HS6ST3: variants seen among roughly 807,000 people sequenced by gnomAD.
HS6ST3 encodes heparan-sulfate 6-O-sulfotransferase 3.
HS6ST3 carries 12 observed loss-of-function variants against 36.7 expected under a neutral mutation model. The observed-to-expected ratio is 0.33, with a 90% confidence interval of 0.21 to 0.53. The LOEUF (loss-of-function observed/expected upper bound fraction) is 0.53. Among genes scored for constraint, HS6ST3 ranks in the 20% least tolerant of loss-of-function variants. The pLI, the probability that HS6ST3 is intolerant of heterozygous loss-of-function variation, is 0.95. For missense variants in HS6ST3, 584 were observed against 640.9 expected (o/e 0.91, Z 0.96); for synonymous variants, 240 against 257.5 (o/e 0.93, Z 0.65).
chr13:96,788,644 G>T (rs980675932), intron 1 of HS6ST3, among the ~76,000 whole-genome samples: 1 of 151,888 alleles, frequency 6.6e-6, no homozygotes, highest in Non-Finnish European at 1.5e-5. Context: ...ATATTGAATT[G>T]TGACTTGCCT....
intron 1 of HS6ST3, among the ~76,000 whole-genome samples, chr13:96,719,882 T>TC (rs1196812221): frequency 4.6e-5 from 7 of 152,216 alleles, no homozygotes; most frequent in Non-Finnish European, 1.0e-4. Flanking sequence ...TGTGTTCATT[T>TC]CTTCCTGTCT....
intron 1 of HS6ST3, among the ~76,000 whole-genome samples, chr13:96,476,914 T>A (rs1347582361): frequency 6.6e-6 from 1 of 152,152 alleles, no homozygotes. Flanking sequence ...TTTACACAGA[T>A]GAAGAGTTGA....
intron 1 of HS6ST3, among the ~76,000 whole-genome samples, chr13:96,227,244 A>G (rs966675252): frequency 3.9e-5 from 6 of 152,342 alleles, no homozygotes; most frequent in South Asian, 4.1e-4. Flanking sequence ...CTCTAAAAAT[A>G]GATACTTAAC....
At chr13:96,111,024 A>C (rs1172991251) in intron 1 of HS6ST3, among the ~76,000 whole-genome samples, 2 of 152,178 alleles carry the variant, frequency 1.3e-5, no homozygotes, top group Admixed American at 6.5e-5. Context: ...GATATACCAT[A>C]GGTGATTTAT....
chr13:96,283,338 G>C (rs779703715), intron 1 of HS6ST3, among the ~76,000 whole-genome samples: 1 of 152,158 alleles, frequency 6.6e-6, no homozygotes, highest in Non-Finnish European at 1.5e-5. Flanking sequence ...CCCAGCAAAA[G>C]CTGTTATTTA....
At chr13:96,338,170 A>C (rs367680460) in intron 1 of HS6ST3, among the ~76,000 whole-genome samples, 1 of 151,886 alleles carries the variant, frequency 6.6e-6, no homozygotes, top group African/African-American at 2.4e-5. Context: ...CTTTTCTCCA[A>C]TGTTTGGTGG....
intron 1 of HS6ST3, among the ~76,000 whole-genome samples, chr13:96,576,881 T>C (rs1168268173): frequency 5.7e-5 from 8 of 139,676 alleles, no homozygotes; most frequent in Non-Finnish European, 1.0e-4. Flanking sequence ...GAGGCAAAGG[T>C]TGCAGTGAGC....
chr13:96,366,812 C>T (rs2055265317), intron 1 of HS6ST3, among the ~76,000 whole-genome samples: 1 of 152,100 alleles, frequency 6.6e-6, no homozygotes, highest in Non-Finnish European at 1.5e-5. Flanking sequence ...AAGGGTGGGG[C>T]CAGGTAAAGA....
chr13:96,339,234 A>G (rs2055117920), intron 1 of HS6ST3, among the ~76,000 whole-genome samples: 1 of 152,218 alleles, frequency 6.6e-6, no homozygotes, highest in Non-Finnish European at 1.5e-5. Flanking sequence ...AGAAAACAGT[A>G]TTAAGTTGGC....
At chr13:96,714,875 T>C (rs1566436586) in intron 1 of HS6ST3, among the ~76,000 whole-genome samples, 1 of 152,144 alleles carries the variant, frequency 6.6e-6, no homozygotes, top group African/African-American at 2.4e-5. Flanking sequence ...ATTTAATTTT[T>C]TTTTCTTTTG....
chr13:96,407,372 G>A (rs2139460321), intron 1 of HS6ST3, among the ~76,000 whole-genome samples: 1 of 152,288 alleles, frequency 6.6e-6, no homozygotes, highest in East Asian at 1.9e-4. Context: ...TCTGTGCTCA[G>A]CCATTCACTC....
intron 1 of HS6ST3, among the ~76,000 whole-genome samples, chr13:96,804,872 A>T (rs1273854015): frequency 1.3e-5 from 2 of 152,224 alleles, no homozygotes; most frequent in Admixed American, 1.3e-4. Flanking sequence ...CTTTCAGTAC[A>T]AGTCATTTCA....
chr13:96,378,010 C>T (rs898572133), intron 1 of HS6ST3, among the ~76,000 whole-genome samples: 11 of 151,982 alleles, frequency 7.2e-5, no homozygotes, highest in Non-Finnish European at 1.6e-4. Flanking sequence ...GATCGAGTGA[C>T]GTCATTTATA....
intron 1 of HS6ST3, among the ~76,000 whole-genome samples, chr13:96,531,810 G>C (rs1193918332): frequency 2.0e-5 from 3 of 152,210 alleles, no homozygotes; most frequent in African/African-American, 7.2e-5. Context: ...AGTCATCACT[G>C]TTGGGGCAAC....
chr13:96,372,905 T>G (rs2055296745), intron 1 of HS6ST3, among the ~76,000 whole-genome samples: 1 of 152,160 alleles, frequency 6.6e-6, no homozygotes, highest in South Asian at 2.1e-4. Context: ...CTTACCCTTT[T>G]GTTCTTAGGT....
At chr13:96,609,532 G>A (rs2056450257) in intron 1 of HS6ST3, among the ~76,000 whole-genome samples, 1 of 152,068 alleles carries the variant, frequency 6.6e-6, no homozygotes, top group Admixed American at 6.5e-5. Context: ...CTCATGACAA[G>A]CCATTGTAAA....
intron 1 of HS6ST3, among the ~76,000 whole-genome samples, chr13:96,236,018 G>A (rs1205438034): frequency 6.6e-6 from 1 of 152,166 alleles, no homozygotes; most frequent in African/African-American, 2.4e-5. Context: ...GTGGCCAAAG[G>A]CCAGAGAGTC....
At chr13:96,757,398 T>C (rs541436695) in intron 1 of HS6ST3, among the ~76,000 whole-genome samples, 1 of 152,364 alleles carries the variant, frequency 6.6e-6, no homozygotes, top group Non-Finnish European at 1.5e-5. Flanking sequence ...AGTAGAGGTC[T>C]GTAGATCACT....
chr13:96,791,634 TG>T (rs1877795975), intron 1 of HS6ST3, among the ~76,000 whole-genome samples: 1 of 152,102 alleles, frequency 6.6e-6, no homozygotes, highest in South Asian at 2.1e-4. Context: ...TTTATAAGTA[TG>T]GCCAGGTATT....
Sources: gnomAD v4.1 joint callset for allele counts (sites outside exome capture counted in the v4.1 genomes callset) on GRCh38, gnomAD v4.1.1 for gene constraint, MANE v1.5 for transcripts, NCBI Gene and HGNC (gene_info 2026-07-23, HGNC 2026-07-21) for gene names.